ERC1: variants seen among roughly 807,000 people sequenced by gnomAD.
ERC1 encodes the protein ELKS/RAB6-interacting/CAST family member 1.
In ERC1, 56 loss-of-function variants were observed where a neutral mutation model predicts 132.0. That is an observed-to-expected ratio of 0.42 (90% CI 0.34 to 0.53). The LOEUF is 0.53. ERC1 is among the 20% of genes least tolerant of loss of function. ERC1 has a pLI of 0.03. For synonymous variants in ERC1, 478 were observed against 476.1 expected (o/e 1.00, Z -0.05); for missense variants, 1,202 against 1,349.9 (o/e 0.89, Z 1.72).
At chr12:1,387,184 C>G (rs1173230562) in intron 16 of ERC1, among the ~76,000 whole-genome samples, 3 of 151,872 alleles carry the variant, frequency 2.0e-5, no homozygotes, top group African/African-American at 7.3e-5. Context: ...CTTAGTCTCC[C>G]TCATACCCAA....
At chr12:1,063,959 T>G (rs1593049006) in intron 2 of ERC1, among the ~76,000 whole-genome samples, 1 of 152,226 alleles carries the variant, frequency 6.6e-6, no homozygotes, top group East Asian at 1.9e-4. Context: ...GCATTTTGTA[T>G]GGCTGGTTTA....
At chr12:1,398,414 T>C (rs2090726107) in intron 16 of ERC1, among the ~76,000 whole-genome samples, 1 of 152,202 alleles carries the variant, frequency 6.6e-6, no homozygotes, top group Admixed American at 6.5e-5. Flanking sequence ...CCAAAATTTT[T>C]CAGCATAAGA....
At chr12:1,297,831 G>A (rs1209782510) in intron 15 of ERC1, among the ~76,000 whole-genome samples, 1 of 152,068 alleles carries the variant, frequency 6.6e-6, no homozygotes, top group Non-Finnish European at 1.5e-5. Flanking sequence ...ATAACATGAT[G>A]AGTTGGCATT....
intron 18 of ERC1, chr12:1,480,985 G>T (rs1592313587): frequency 1.4e-6 from 1 of 689,884 alleles, no homozygotes; most frequent in African/African-American, 1.8e-5. Flanking sequence ...ACTGTGGATG[G>T]TACTGAAGCC....
At chr12:1,057,585 GTTTTTTTTT>G (rs59761885) in intron 2 of ERC1, among the ~76,000 whole-genome samples, 1 of 47,690 alleles carries the variant, frequency 2.1e-5, no homozygotes, top group Non-Finnish European at 4.0e-5. Context: ...GATGCGCATG[GTTTTTTTTT>G]TTTTTTTTTT....
At chr12:1,394,015 CAA>C (rs1216337061) in intron 16 of ERC1, among the ~76,000 whole-genome samples, 1 of 26,932 alleles carries the variant, frequency 3.7e-5, no homozygotes, top group Non-Finnish European at 7.1e-5. Context: ...GACTCCGTCT[CAA>C]AAAAAAAAAA....
chr12:1,071,140 T>C (rs1373685483), intron 2 of ERC1, among the ~76,000 whole-genome samples: 3 of 152,248 alleles, frequency 2.0e-5, no homozygotes, highest in Non-Finnish European at 2.9e-5. Flanking sequence ...TTGGCTCTTA[T>C]AGATAAAACC....
chr12:1,011,480 A>C (rs1481447205), intron 1 of ERC1, among the ~76,000 whole-genome samples: 1 of 152,202 alleles, frequency 6.6e-6, no homozygotes, highest in Non-Finnish European at 1.5e-5. Context: ...TGCCAGGATT[A>C]CAGGTGTGAG....
intron 4 of ERC1, among the ~76,000 whole-genome samples, chr12:1,107,599 G>T (rs780188983): frequency 6.6e-6 from 1 of 152,094 alleles, no homozygotes; most frequent in Non-Finnish European, 1.5e-5. Flanking sequence ...GCAATTAAGG[G>T]CGTCAAAGAA....
chr12:1,077,818 G>C (rs1260278822), intron 2 of ERC1, among the ~76,000 whole-genome samples: 1 of 152,138 alleles, frequency 6.6e-6, no homozygotes, highest in Non-Finnish European at 1.5e-5. Context: ...AGAAAGAGTA[G>C]CCTTGCTTGT....
intron 12 of ERC1, among the ~76,000 whole-genome samples, chr12:1,203,151 T>G (rs11837033): frequency 0.43 from 66,045 of 152,070 alleles, 16,145 homozygotes; most frequent in African/African-American, 0.67. Context: ...TCCACCTCCC[T>G]GGTTCAACCG....
intron 13 of ERC1, chr12:1,244,785 C>A: frequency 3.8e-6 from 1 of 263,676 alleles, no homozygotes; most frequent in South Asian, 3.5e-5. Flanking sequence ...TCTACAAGTG[C>A]TGGGATTACA....
intron 15 of ERC1, among the ~76,000 whole-genome samples, chr12:1,322,173 C>T (rs991491720): frequency 3.5e-5 from 5 of 142,066 alleles, no homozygotes; most frequent in African/African-American, 1.3e-4. Flanking sequence ...CTTTTTGAAC[C>T]AAGTTTTATC....
At chr12:1,262,802 C>T (rs1408993442) in intron 13 of ERC1, among the ~76,000 whole-genome samples, 1 of 152,182 alleles carries the variant, frequency 6.6e-6, no homozygotes, top group Non-Finnish European at 1.5e-5. Context: ...AAATTTCTCA[C>T]ATTTGTCTTG....
chr12:1,393,606 ACGTGTG>A (rs1298238973), intron 16 of ERC1, among the ~76,000 whole-genome samples: 1 of 73,572 alleles, frequency 1.4e-5, no homozygotes, highest in African/African-American at 6.5e-5. Flanking sequence ...GAGAGAACAC[ACGTGTG>A]TGTGTGTGTG....
intron 18 of ERC1, among the ~76,000 whole-genome samples, chr12:1,476,370 A>G (rs1052336778): frequency 2.6e-5 from 4 of 151,814 alleles, no homozygotes; most frequent in Admixed American, 2.0e-4. Context: ...ACAGTGAGCT[A>G]TGATCACTCC....
chr12:1,337,349 A>AT (rs906473785), intron 15 of ERC1, among the ~76,000 whole-genome samples: 2 of 143,992 alleles, frequency 1.4e-5, no homozygotes, highest in Non-Finnish European at 3.1e-5. Context: ...TTTAAAGTCT[A>AT]TTTTTTCTGA....
intron 15 of ERC1, among the ~76,000 whole-genome samples, chr12:1,318,784 G>A (rs1205403009): frequency 6.6e-6 from 1 of 152,000 alleles, no homozygotes; most frequent in East Asian, 1.9e-4. Flanking sequence ...AAGCTTTGGA[G>A]CATTGAAAGG....
intron 15 of ERC1, among the ~76,000 whole-genome samples, chr12:1,356,213 AGTG>A (rs1412260200): frequency 5.5e-4 from 71 of 130,006 alleles, no homozygotes; most frequent in African/African-American, 1.5e-3. Context: ...AAAAAAAAAA[AGTG>A]TGTGTGTGTG....
Sources: gnomAD v4.1 joint callset for allele counts (sites outside exome capture counted in the v4.1 genomes callset) on GRCh38, gnomAD v4.1.1 for gene constraint, MANE v1.5 for transcripts, NCBI Gene and HGNC (gene_info 2026-07-23, HGNC 2026-07-21) for gene names.